VEGFC: variants seen among roughly 807,000 people sequenced by gnomAD.
VEGFC encodes FLT4 ligand DHM.
A neutral mutation model predicts 46.1 loss-of-function variants in VEGFC; 12 were observed. The observed-to-expected ratio is 0.26, with a 90% CI of 0.17 to 0.42. The LOEUF (loss-of-function observed/expected upper bound fraction) is 0.42, where lower values mean the gene tolerates loss of function less well. Among genes scored for constraint, VEGFC ranks in the 10% least tolerant of loss-of-function variants. The pLI is 1.00. For missense variants in VEGFC, 488 were observed against 529.4 expected, an observed-to-expected ratio of 0.92 and a Z score of 0.77; for synonymous variants, 232 against 195.5, an observed-to-expected ratio of 1.19 and a Z score of -1.56.
At chr4:176,711,391 G>A in intron 4 of VEGFC, 108 bp downstream of exon 4, 1 of 1,272,752 alleles carries the variant, frequency 7.9e-7, no homozygotes, top group South Asian at 1.8e-5. Context: ...TTGAAGCAGA[G>A]TATATTACAG....
intron 1 of VEGFC, among the ~76,000 whole-genome samples, chr4:176,789,827 G>A (rs946230126): frequency 1.3e-5 from 2 of 152,098 alleles, no homozygotes; most frequent in Non-Finnish European, 2.9e-5. Context: ...TGGGCTGAAG[G>A]GCTGGATGGC....
At chr4:176,728,752 A>C (rs530642388) in intron 2 of VEGFC, among the ~76,000 whole-genome samples, 1 of 152,368 alleles carries the variant, frequency 6.6e-6, no homozygotes, top group South Asian at 2.1e-4. Flanking sequence ...TTGGTTATAC[A>C]ACCATGAAGC....
chr4:176,765,689 G>A (rs1360034931), intron 1 of VEGFC, among the ~76,000 whole-genome samples: 1 of 151,348 alleles, frequency 6.6e-6, no homozygotes, highest in Non-Finnish European at 1.5e-5. Flanking sequence ...CCGAGTAGCT[G>A]GACTACAGGT....
At position 176,687,819 on chromosome 4, in the gene VEGFC, A is replaced by G; in HGVS notation, c.811+2T>C. ...TAGTCTTTAAAGCATCATTCTGCTT[A>G]CCATCTCCAGCATCCGAGGAAAACA... On this transcript the variant is annotated splice_donor_variant, in intron 5 of 6. Transcript: ENST00000618562. LOFTEE classifies it high-confidence loss of function. The G allele has an allele frequency of 1.9e-6, 3 of 1,604,978 alleles. No homozygotes were observed. Among genetic ancestry groups the G allele is most frequent in the Non-Finnish European group, 2.6e-6 (3 of 1,173,062 alleles).
rs374622534 is a variant in VEGFC at position 176,792,192 on chromosome 4, G to C, written c.120C>G (p.Asp40Glu). The change falls in exon 1 of 7, where the codon GAC becomes GAG. Residue 40 changes from aspartate (D) to glutamate (E), a missense_variant. Physicochemically the swap from Asp to Glu is conservative, Grantham distance 45 (BLOSUM62 2). Transcript: ENST00000618562. This position sits in a 1 kb window ranked among gnomAD's most constrained non-coding sequence, Gnocchi z 6.3. Reference sequence around the variant, plus strand: ...TGGCCTCGCCCGCGTCGGGCTCCGCGTCCGAGAGGTCGAGTCCGGACTCGA... The same window carrying C: ...TGGCCTCGCCCGCGTCGGGCTCCGCCTCCGAGAGGTCGAGTCCGGACTCGA... ...AAFESGLDLS[D>E]AEPDAGEATA... 2.1e-5 allele frequency: 32 copies of C among 1,535,946 alleles called. No homozygotes were observed. The highest frequency in any genetic ancestry group is 2.7e-5 in the Non-Finnish European group (31 of 1,146,118).
chr4:176,791,605 G>C (rs1313697141), intron 1 of VEGFC, among the ~76,000 whole-genome samples: 2 of 151,596 alleles, frequency 1.3e-5, no homozygotes, highest in African/African-American at 2.4e-5. Flanking sequence ...CTAATCTCCC[G>C]TTACATCTCA....
intron 3 of VEGFC, among the ~76,000 whole-genome samples, chr4:176,721,139 T>C (rs181532072): frequency 4.5e-4 from 68 of 152,244 alleles, no homozygotes; most frequent in African/African-American, 1.5e-3. Context: ...TAGTGGTAAG[T>C]AGTGTTTGTG....
At chr4:176,744,969 G>A (rs1222892320) in intron 1 of VEGFC, among the ~76,000 whole-genome samples, 1 of 152,034 alleles carries the variant, frequency 6.6e-6, no homozygotes, top group Non-Finnish European at 1.5e-5. Flanking sequence ...TTGTAGTGCA[G>A]CCTTGATAAC....
chr4:176,789,570 C>T (rs1326681126), intron 1 of VEGFC, among the ~76,000 whole-genome samples: 2 of 152,172 alleles, frequency 1.3e-5, no homozygotes, highest in Admixed American at 1.3e-4. Context: ...AGAACAGCTT[C>T]AGACTTGCTA....
intron 1 of VEGFC, among the ~76,000 whole-genome samples, chr4:176,754,613 G>A (rs972213487): frequency 6.6e-6 from 1 of 151,920 alleles, no homozygotes; most frequent in African/African-American, 2.4e-5. Flanking sequence ...AGCCTGTAAA[G>A]ACACTGGAAC....
At chr4:176,783,013 GC>G (rs1164710027) in intron 1 of VEGFC, among the ~76,000 whole-genome samples, 1 of 152,158 alleles carries the variant, frequency 6.6e-6, no homozygotes, top group African/African-American at 2.4e-5. Context: ...GGCCTCCAAT[GC>G]CCCCAGCACT....
At chr4:176,717,478 T>A (rs576157805) in intron 3 of VEGFC, among the ~76,000 whole-genome samples, 1 of 152,114 alleles carries the variant, frequency 6.6e-6, no homozygotes, top group Non-Finnish European at 1.5e-5. Context: ...TACAGCAGCA[T>A]AGCAACGGCT....
At chr4:176,777,195 T>C (rs995802367) in intron 1 of VEGFC, among the ~76,000 whole-genome samples, 1 of 152,046 alleles carries the variant, frequency 6.6e-6, no homozygotes, top group Non-Finnish European at 1.5e-5. Flanking sequence ...CGGGCGCCTG[T>C]AGTCCCAGCT....
intron 3 of VEGFC, among the ~76,000 whole-genome samples, chr4:176,725,605 G>C (rs1335333457): frequency 6.6e-6 from 1 of 152,070 alleles, no homozygotes; most frequent in African/African-American, 2.4e-5. Flanking sequence ...AAGTACCTTG[G>C]TTTACTATTT....
intron 4 of VEGFC, chr4:176,706,082 G>GTGGCAGATGCTTGGTGCTT (rs1734529688): frequency 1.3e-5 from 2 of 152,206 alleles, no homozygotes; most frequent in East Asian, 3.8e-4. Context: ...GAGACAATGT[G>GTGGCAGATGCTTGGTGCTT]TGGCAGATGC....
At position 176,770,977 on chromosome 4, in the gene VEGFC, G is replaced by GACAC. The variant is rs1389267563; in HGVS notation, c.147+21187_147+21188insGTGT. On this transcript the variant is annotated intron_variant, in intron 1 of 6. Transcript: ENST00000618562. ...CATTCAATTGAAGGTGCAAGTAACT[G>GACAC]ATACACACACACACACACACACACA... is the stretch of plus-strand genomic sequence containing the variant. 2.6e-4 allele frequency among the ~76,000 whole-genome samples: 11 copies of GACAC among 41,796 alleles called. No individual in the cohort carries two copies. The South Asian group carries it at 0.016, about 60-fold the overall frequency. 27.4% of individuals were successfully genotyped at this position (41,796 alleles called of 152,430 possible).
chr4:176,774,864 T>G (rs1735789324), intron 1 of VEGFC, among the ~76,000 whole-genome samples: 1 of 152,044 alleles, frequency 6.6e-6, no homozygotes, highest in African/African-American at 2.4e-5. Context: ...TTACTGTTGC[T>G]TTCTGCACTT....
chr4:176,734,520 C>T (rs555081623), intron 1 of VEGFC, among the ~76,000 whole-genome samples: 2 of 151,766 alleles, frequency 1.3e-5, no homozygotes, highest in East Asian at 1.9e-4. Context: ...GAAATATACG[C>T]GAGAATTTCT....
At chr4:176,684,576 AAC>A (rs1472772875) in intron 6 of VEGFC, among the ~76,000 whole-genome samples, 1 of 152,152 alleles carries the variant, frequency 6.6e-6, no homozygotes, top group African/African-American at 2.4e-5. Flanking sequence ...CTCCAGGTGA[AAC>A]AGAGGCATTC....
Sources: allele counts gnomAD v4.1 joint callset (sites outside exome capture counted in the v4.1 genomes callset), GRCh38; gene constraint gnomAD v4.1.1; non-coding constraint Gnocchi (gnomAD v3.1); transcripts MANE v1.5; gene names NCBI Gene and HGNC (gene_info 2026-07-23, HGNC 2026-07-21).